NLGN4X: variants seen among roughly 807,000 people sequenced by gnomAD.
NLGN4X encodes neuroligin-4, X-linked.
Under a neutral mutation model 40.3 loss-of-function variants are expected in NLGN4X, and 3 were observed. The ratio of observed to expected loss-of-function variants is 0.07; its 90% CI spans 0.03 to 0.19. NLGN4X has a LOEUF of 0.19. Among genes scored for constraint, NLGN4X ranks in the 10% least tolerant of loss-of-function variants. The probability of loss-of-function intolerance (pLI) is 1.00; values close to 1 mark genes in which losing one functional copy is unlikely to be tolerated. For missense variants in NLGN4X, 382 were observed against 708.3 expected, an observed-to-expected ratio of 0.54 and a Z score of 5.23; for synonymous variants, 270 against 306.8, an observed-to-expected ratio of 0.88 and a Z score of 1.25.
At chrX:6,148,050 AT>A (rs748644336) in intron 2 of NLGN4X, among the ~76,000 whole-genome samples, 35 of 112,300 alleles carry the variant, frequency 3.1e-4, no homozygotes, top group Admixed American at 2.5e-3. Context: ...CAGAAAAAAA[AT>A]ATATGTTTCA....
intron 2 of NLGN4X, among the ~76,000 whole-genome samples, chrX:6,082,892 G>A (rs2038385445): frequency 9.3e-6 from 1 of 107,674 alleles, no homozygotes; most frequent in Admixed American, 9.9e-5. Context: ...CTTCTGTGCT[G>A]TCCCAAGGGT....
intron 2 of NLGN4X, among the ~76,000 whole-genome samples, chrX:6,112,693 C>T (rs1279172468): frequency 1.8e-5 from 2 of 108,999 alleles, no homozygotes; most frequent in Non-Finnish European, 3.8e-5. Flanking sequence ...AAGTGATTCT[C>T]CTGCCTCAGC....
chrX:6,137,523 T>G (rs1335884042), intron 2 of NLGN4X, among the ~76,000 whole-genome samples: 1 of 111,820 alleles, frequency 8.9e-6, no homozygotes, highest in Non-Finnish European at 1.9e-5. Context: ...TGTCAAAGTT[T>G]TTAAAACACA....
At chrX:6,069,011 C>T (rs1484110924) in intron 2 of NLGN4X, among the ~76,000 whole-genome samples, 1 of 111,937 alleles carries the variant, frequency 8.9e-6, no homozygotes, top group African/African-American at 3.2e-5. Context: ...AAAGTGGGGC[C>T]GGGTACGGTG....
chrX:5,991,283 T>G, intron 3 of NLGN4X: 2 of 307,137 alleles, frequency 6.5e-6, no homozygotes, highest in Non-Finnish European at 1.2e-5. Context: ...CAATATCCAA[T>G]GAGACATTGT....
At chrX:5,959,034 G>C (rs1043756914) in intron 3 of NLGN4X, among the ~76,000 whole-genome samples, 1 of 112,169 alleles carries the variant, frequency 8.9e-6, no homozygotes, top group African/African-American at 3.2e-5. Context: ...CATCATGTGT[G>C]TCTCAGGCCC....
intron 3 of NLGN4X, among the ~76,000 whole-genome samples, chrX:5,911,191 C>T (rs890069947): frequency 4.5e-5 from 5 of 111,693 alleles, no homozygotes; most frequent in East Asian, 2.8e-4. Context: ...TCCTAAGGCA[C>T]GAGCAATTTT....
chrX:5,941,232 T>TGTGTGTGTGTG (rs2033937083), intron 3 of NLGN4X, among the ~76,000 whole-genome samples: 2 of 96,335 alleles, frequency 2.1e-5, no homozygotes, highest in African/African-American at 3.8e-5. Context: ...TGTGTGTGTG[T>TGTGTGTGTGTG]TGAAAGACAG....
intron 2 of NLGN4X, among the ~76,000 whole-genome samples, chrX:6,092,623 T>A (rs2038669225): frequency 8.9e-6 from 1 of 111,892 alleles, no homozygotes; most frequent in African/African-American, 3.3e-5. Context: ...ACAAAACTTG[T>A]GGTATTAAAA....
In NLGN4X at chrX:5,970,126, A is replaced by C. The variant is rs2034979200; in HGVS notation, c.625+59154T>G. On this transcript the variant is annotated intron_variant, in intron 3 of 5. Coordinates refer to ENST00000381095, the MANE Select transcript of NLGN4X (RefSeq NM_181332.3). ...CAAAATGGCACATGTATACATATGT[A>C]ACTAACCTGCACATTGTGCACATGT... Among the ~76,000 whole-genome samples, 3 of 110,297 alleles carry C rather than the reference A, an allele frequency of 2.7e-5. No homozygotes were observed. The Admixed American group carries it at 2.9e-4, about 11-fold the overall frequency.
chrX:6,120,628 C>T (rs959077546), intron 2 of NLGN4X, among the ~76,000 whole-genome samples: 2 of 111,899 alleles, frequency 1.8e-5, no homozygotes, highest in Non-Finnish European at 3.8e-5. Context: ...AATGTCAATG[C>T]TTACAAGAGC....
intron 1 of NLGN4X, among the ~76,000 whole-genome samples, chrX:6,222,393 A>T (rs1216333009): frequency 8.9e-6 from 1 of 111,786 alleles, no homozygotes; most frequent in East Asian, 2.8e-4. Context: ...GTTGTAAGCC[A>T]AAAATAGCAC....
At chrX:5,947,249 G>A (rs1176023139) in intron 3 of NLGN4X, among the ~76,000 whole-genome samples, 4 of 111,606 alleles carry the variant, frequency 3.6e-5, no homozygotes, top group African/African-American at 1.3e-4. Flanking sequence ...AGCTTTTTAC[G>A]GAATGGCCAC....
intron 5 of NLGN4X, among the ~76,000 whole-genome samples, chrX:5,895,811 GAA>G (rs1298672481): frequency 9.0e-6 from 1 of 111,331 alleles, no homozygotes; most frequent in Non-Finnish European, 1.9e-5. Flanking sequence ...CAATATATTT[GAA>G]AAGTCTTCTG....
chrX:6,009,136 A>G (rs2036180913), intron 3 of NLGN4X, among the ~76,000 whole-genome samples: 1 of 111,878 alleles, frequency 8.9e-6, no homozygotes, highest in Non-Finnish European at 1.9e-5. Context: ...TCATCCATCA[A>G]TGGATAGTTG....
intron 1 of NLGN4X, among the ~76,000 whole-genome samples, chrX:6,200,914 G>A (rs1425607489): frequency 9.2e-6 from 1 of 108,999 alleles, no homozygotes; most frequent in African/African-American, 3.4e-5. Context: ...TGCCCAGGCT[G>A]GTCTCGAACT....
At chrX:6,132,692 T>TA (rs1458190963) in intron 2 of NLGN4X, among the ~76,000 whole-genome samples, 1 of 111,774 alleles carries the variant, frequency 8.9e-6, no homozygotes, top group African/African-American at 3.3e-5. Flanking sequence ...GAGCTCCAGA[T>TA]AGAGTTGGCT....
chrX:6,062,596 C>A (rs2037798502), intron 2 of NLGN4X, among the ~76,000 whole-genome samples: 1 of 111,160 alleles, frequency 9.0e-6, no homozygotes, highest in Admixed American at 9.6e-5. Context: ...GCTGTGTCCC[C>A]ACCCAAATCT....
At chrX:6,219,196 A>G (rs1174346661) in intron 1 of NLGN4X, among the ~76,000 whole-genome samples, 1 of 102,435 alleles carries the variant, frequency 9.8e-6, no homozygotes, top group Non-Finnish European at 2.0e-5. Context: ...AACCATATAT[A>G]TAGTTTGACA....
Sources: allele counts gnomAD v4.1 joint callset (sites outside exome capture counted in the v4.1 genomes callset), GRCh38; gene constraint gnomAD v4.1.1; transcripts MANE v1.5; gene names NCBI Gene and HGNC (gene_info 2026-07-23, HGNC 2026-07-21).